DLGAP2: variants seen among roughly 807,000 people sequenced by gnomAD.
The protein encoded by DLGAP2 is disks large-associated protein 2.
In DLGAP2, 26 loss-of-function variants were observed where a neutral mutation model predicts 100.3. The observed-to-expected ratio is 0.26, with a 90% CI of 0.19 to 0.36. The LOEUF (loss-of-function observed/expected upper bound fraction) is 0.36, where lower values mean the gene tolerates loss of function less well. Ranked by LOEUF, DLGAP2 falls within the 10% of genes least tolerant of loss-of-function variation. The pLI is 1.00. For synonymous variants in DLGAP2, 886 were observed against 630.1 expected, an observed-to-expected ratio of 1.41 and a Z score of -6.08; for missense variants, 1,858 against 1,453.2, an observed-to-expected ratio of 1.28 and a Z score of -4.53.
intron 2 of DLGAP2, chr8:1,247,247 G>A (rs376089840): frequency 3.0e-5 from 4 of 134,568 alleles, no homozygotes; most frequent in Non-Finnish European, 6.4e-5. Flanking sequence ...TGGCCGGGAA[G>A]ACCTTTGAGA....
chr8:1,450,720 G>A (rs918394593), intron 3 of DLGAP2, among the ~76,000 whole-genome samples: 1 of 152,136 alleles, frequency 6.6e-6, no homozygotes, highest in Non-Finnish European at 1.5e-5. Context: ...ATGAGGAGGG[G>A]GCCAAGCGAC....
intron 3 of DLGAP2, among the ~76,000 whole-genome samples, chr8:1,357,775 C>T (rs1801890407): frequency 6.6e-6 from 1 of 152,186 alleles, no homozygotes; most frequent in Non-Finnish European, 1.5e-5. Flanking sequence ...TCTGAGCAGC[C>T]TCGTAGTGCC....
intron 3 of DLGAP2, among the ~76,000 whole-genome samples, chr8:1,480,972 A>G (rs1289368667): frequency 2.0e-5 from 3 of 152,230 alleles, no homozygotes; most frequent in South Asian, 2.1e-4. Flanking sequence ...GGAGATCGAG[A>G]CCATCCTGGC....
rs1454077746 is a variant in DLGAP2 at position 1,549,888 on chromosome 8, A to T, written c.1230+205A>T. Reference sequence around the variant, plus strand: ...CATACGTAATTTTTTTGGTGGGAGCACTTAAAATCCACTCTGGATGATTTC... The same window carrying T: ...CATACGTAATTTTTTTGGTGGGAGCTCTTAAAATCCACTCTGGATGATTTC... On this transcript the variant is annotated intron_variant, in intron 5 of 14. Coordinates refer to ENST00000637795, the MANE Select transcript of DLGAP2 (RefSeq NM_001346810.2). 3.3e-5 allele frequency among the ~76,000 whole-genome samples: 5 copies of T among 152,204 alleles called. No homozygotes were observed. The East Asian group carries it at 9.6e-4, about 29-fold the overall frequency.
chr8:1,321,463 C>T (rs537052069), intron 3 of DLGAP2, among the ~76,000 whole-genome samples: 2 of 152,316 alleles, frequency 1.3e-5, no homozygotes, highest in East Asian at 3.9e-4. Flanking sequence ...GTGCGTGCAT[C>T]CGCATCCATG....
At chr8:773,563 G>T (rs1050241433) in intron 1 of DLGAP2, among the ~76,000 whole-genome samples, 1 of 140,496 alleles carries the variant, frequency 7.1e-6, no homozygotes, top group Non-Finnish European at 1.5e-5. Context: ...TGATCTCATT[G>T]TTCAATTCCC....
At chr8:1,287,008 A>G (rs1013849275) in intron 3 of DLGAP2, among the ~76,000 whole-genome samples, 5 of 152,378 alleles carry the variant, frequency 3.3e-5, no homozygotes, top group South Asian at 2.1e-4. Flanking sequence ...TCAGTTTTAT[A>G]ACGTGAACCA....
At chr8:1,676,880 CAG>C (rs1205864713) in intron 11 of DLGAP2, among the ~76,000 whole-genome samples, 4 of 152,218 alleles carry the variant, frequency 2.6e-5, no homozygotes, top group Admixed American at 6.5e-5. Context: ...GCCTGAAAGT[CAG>C]AGTCCTTGAT....
At chr8:756,032 T>G (rs1426581104) in intron 1 of DLGAP2, among the ~76,000 whole-genome samples, 2 of 152,242 alleles carry the variant, frequency 1.3e-5, no homozygotes, top group Non-Finnish European at 2.9e-5. Context: ...AACCGGTATT[T>G]GGCTGACAAG....
At chr8:1,636,317 G>A (rs1004221740) in intron 8 of DLGAP2, among the ~76,000 whole-genome samples, 8 of 152,148 alleles carry the variant, frequency 5.3e-5, no homozygotes, top group Non-Finnish European at 1.0e-4. Context: ...TAAAACAAAG[G>A]GAAAACCTAT....
chr8:830,048 G>C (rs914922563), intron 1 of DLGAP2, among the ~76,000 whole-genome samples: 1 of 152,182 alleles, frequency 6.6e-6, no homozygotes, highest in African/African-American at 2.4e-5. Context: ...AAGATGTGGA[G>C]ATTTTTAAAG....
At position 986,854 on chromosome 8, in the gene DLGAP2, T is replaced by A. The variant is rs1016426942; in HGVS notation, c.73+78888T>A. On this transcript the variant is annotated intron_variant, in intron 2 of 14. Transcript: ENST00000637795. ...TTTGTATTTTTGGTAGAGATGGGGT[T>A]TTGCCATGTTGGCCAGGCTGGTCTC... 1.6e-4 allele frequency among the ~76,000 whole-genome samples: 24 copies of A among 152,070 alleles called. 1 individual carries two copies. The highest frequency in any genetic ancestry group is 1.6e-3 in the Admixed American group (24 of 15,268).
intron 3 of DLGAP2, among the ~76,000 whole-genome samples, chr8:1,278,903 G>A (rs1469384499): frequency 6.6e-6 from 1 of 152,218 alleles, no homozygotes; most frequent in East Asian, 1.9e-4. Flanking sequence ...GGATATTTAT[G>A]CAGAAATGTC....
At chr8:1,700,464 A>T (rs1274698747) in intron 14 of DLGAP2, among the ~76,000 whole-genome samples, 2 of 152,078 alleles carry the variant, frequency 1.3e-5, no homozygotes, top group African/African-American at 4.8e-5. Flanking sequence ...TGAATCGCAG[A>T]GTTAGGGACA....
chr8:1,240,217 T>C lies in DLGAP2; in HGVS notation c.74-18634T>C, dbSNP rs146094290. Among the ~76,000 whole-genome samples, 255 of 125,654 alleles carry C rather than the reference T, an allele frequency of 2.0e-3. 2 individuals are homozygous for C. The highest frequency in any genetic ancestry group is 3.1e-3 in the South Asian group (11 of 3,526). The allele number at this position is 125,654 out of a possible 152,430, so 82.4% of individuals were successfully genotyped here. On this transcript the variant is annotated intron_variant, in intron 2 of 14. Coordinates refer to ENST00000637795, the MANE Select transcript of DLGAP2 (RefSeq NM_001346810.2). The stretch of plus-strand genomic sequence containing the variant: ...CGTGTCTAGTTCTCTCACATGGCAC[T>C]GTGTCTAGTTCTCTCACATGGCGCC...
intron 3 of DLGAP2, among the ~76,000 whole-genome samples, chr8:1,325,667 C>A (rs117560932): frequency 2.4e-4 from 36 of 152,272 alleles, no homozygotes; most frequent in Non-Finnish European, 4.1e-4. Context: ...CAGTGATTGG[C>A]GGGGTTCTCA....
intron 2 of DLGAP2, among the ~76,000 whole-genome samples, chr8:1,192,630 G>A (rs1298981021): frequency 6.7e-6 from 1 of 149,508 alleles, no homozygotes; most frequent in East Asian, 2.0e-4. Flanking sequence ...CAGTGAGTGA[G>A]CTCTGGGGTG....
chr8:967,297 A>G (rs1286534097), intron 2 of DLGAP2, among the ~76,000 whole-genome samples: 2 of 152,248 alleles, frequency 1.3e-5, no homozygotes, highest in African/African-American at 4.8e-5. Context: ...GAATGAGCCC[A>G]GCTTAAGCGC....
intron 3 of DLGAP2, among the ~76,000 whole-genome samples, chr8:1,275,883 A>AT (rs1563056369): frequency 0.023 from 935 of 40,934 alleles, 7 homozygotes; most frequent in Non-Finnish European, 0.036. Flanking sequence ...ATATATAAAT[A>AT]AATATATAAT....
Sources: gnomAD v4.1 joint callset for allele counts (sites outside exome capture counted in the v4.1 genomes callset) on GRCh38, gnomAD v4.1.1 for gene constraint, MANE v1.5 for transcripts, NCBI Gene and HGNC (gene_info 2026-07-23, HGNC 2026-07-21) for gene names.